Variants in RBFOX1 observed in about 807,000 individuals in gnomAD.
RBFOX1 encodes the protein RNA binding fox-1 homolog 1.
In RBFOX1, 8 loss-of-function variants were observed where a neutral mutation model predicts 57.7. That is an observed-to-expected ratio of 0.14 (90% CI 0.08 to 0.25). RBFOX1 has a LOEUF of 0.25. RBFOX1 is among the 10% of genes least tolerant of loss of function. The probability of loss-of-function intolerance (pLI) is 1.00; values close to 1 mark genes in which losing one functional copy is unlikely to be tolerated. For missense variants in RBFOX1, 611 were observed against 548.5 expected (o/e 1.11, Z -1.14); for synonymous variants, 326 against 222.4 (o/e 1.47, Z -4.15).
chr16:5,291,745 C>G (rs1327476014), intron 1 of RBFOX1, among the ~76,000 whole-genome samples: 1 of 152,104 alleles, frequency 6.6e-6, no homozygotes, highest in Non-Finnish European at 1.5e-5. Flanking sequence ...GTGATCGTGG[C>G]TTGGTTTATG....
At chr16:7,678,993 A>G (rs535521117) in intron 14 of RBFOX1, among the ~76,000 whole-genome samples, 1 of 152,304 alleles carries the variant, frequency 6.6e-6, no homozygotes, top group African/African-American at 2.4e-5. Context: ...AGAAATTTGC[A>G]CATTTGGTCT....
At chr16:6,856,417 A>C (rs1451310044) in intron 3 of RBFOX1, among the ~76,000 whole-genome samples, 1 of 152,142 alleles carries the variant, frequency 6.6e-6, no homozygotes, top group South Asian at 2.1e-4. Context: ...TTAGGTGAGC[A>C]ATCCTGATCC....
intron 1 of RBFOX1, among the ~76,000 whole-genome samples, chr16:6,218,302 T>C (rs113450034): frequency 6.5e-5 from 7 of 107,458 alleles, no homozygotes; most frequent in Admixed American, 6.1e-4. Context: ...TATTTATTTA[T>C]TTACTTATTT....
intron 4 of RBFOX1, among the ~76,000 whole-genome samples, chr16:7,215,462 T>C (rs193029810): frequency 5.9e-5 from 9 of 152,282 alleles, no homozygotes; most frequent in Non-Finnish European, 2.9e-5. Flanking sequence ...ATGTAGCACA[T>C]ATACACCATG....
intron 1 of RBFOX1, among the ~76,000 whole-genome samples, chr16:6,230,130 G>A (rs947079940): frequency 2.3e-4 from 35 of 151,924 alleles, no homozygotes; most frequent in African/African-American, 7.0e-4. Context: ...AGACTTTATC[G>A]CAGAGAGCAA....
At position 7,627,851 on chromosome 16, in the gene RBFOX1, A is replaced by G. The variant is rs1225625230; in HGVS notation, c.677-2752A>G. Among the ~76,000 whole-genome samples the G allele has an allele frequency of 2.0e-5, 3 of 152,232 alleles. No homozygotes were observed. In the South Asian group the frequency reaches 6.2e-4, roughly 31 times the overall value. On this transcript the variant is annotated intron_variant, in intron 10 of 15. Coordinates refer to ENST00000550418, the MANE Select transcript of RBFOX1 (RefSeq NM_018723.4). ...ATTGGAGGATGCTTTTAGATAAAACAAAAACCAAGTCCTGTGAAGGCATAG... is the reference window on the plus strand; with the variant it reads ...ATTGGAGGATGCTTTTAGATAAAACGAAAACCAAGTCCTGTGAAGGCATAG...
intron 1 of RBFOX1, among the ~76,000 whole-genome samples, chr16:5,276,169 C>T (rs2063136245): frequency 6.6e-6 from 1 of 152,112 alleles, no homozygotes; most frequent in South Asian, 2.1e-4. Context: ...GCAATGAAAA[C>T]AAAGATAAAT....
chr16:5,818,053 G>A (rs1252316191), intron 3 of RBFOX1, among the ~76,000 whole-genome samples: 2 of 152,162 alleles, frequency 1.3e-5, no homozygotes, highest in Admixed American at 6.5e-5. Flanking sequence ...TCTTTGAACA[G>A]TTTTAAGCAG....
intron 3 of RBFOX1, among the ~76,000 whole-genome samples, chr16:6,803,419 T>G (rs1245827783): frequency 2.0e-5 from 3 of 152,100 alleles, no homozygotes; most frequent in Non-Finnish European, 4.4e-5. Flanking sequence ...AGGGAGAAAG[T>G]GAGAGTGGCG....
At chr16:6,623,503 T>C (rs1160066143) in intron 2 of RBFOX1, among the ~76,000 whole-genome samples, 1 of 151,960 alleles carries the variant, frequency 6.6e-6, no homozygotes, top group Admixed American at 6.6e-5. Context: ...TGCAGGTTAG[T>C]TACATATGCA....
chr16:5,787,022 G>A (rs2054525505), intron 3 of RBFOX1, among the ~76,000 whole-genome samples: 2 of 152,196 alleles, frequency 1.3e-5, no homozygotes, highest in South Asian at 4.1e-4. Context: ...TGTAATCTCA[G>A]CTCCTTGGGA....
At chr16:6,100,146 T>G (rs895844267) in intron 1 of RBFOX1, among the ~76,000 whole-genome samples, 10 of 151,546 alleles carry the variant, frequency 6.6e-5, no homozygotes, top group East Asian at 1.9e-4. Context: ...TATTGTTTTT[T>G]TTGTTGTTGT....
chr16:7,494,776 A>C (rs2151640833), intron 4 of RBFOX1, among the ~76,000 whole-genome samples: 1 of 149,278 alleles, frequency 6.7e-6, no homozygotes, highest in Admixed American at 6.7e-5. Context: ...ACTCAGCAGA[A>C]GTTTCTCCTT....
rs184850844 is a variant in RBFOX1, at chr16:6,626,193, C to T, written c.-63-28410C>T. Among the ~76,000 whole-genome samples the T allele has an allele frequency of 2.1e-5, 3 of 144,892 alleles. No homozygotes were observed. In the East Asian group the frequency reaches 6.1e-4, roughly 29 times the overall value. On this transcript the variant is annotated intron_variant, in intron 2 of 15. Transcript: ENST00000550418. ...TAGTTGGTTCTGTATTTCTGACCTTCTGCTGTCCATCAGATTGAACATTTA... is the reference window on the plus strand; with the variant it reads ...TAGTTGGTTCTGTATTTCTGACCTTTTGCTGTCCATCAGATTGAACATTTA...
intron 3 of RBFOX1, chr16:5,632,340 A>G (rs1423495330): frequency 1.3e-5 from 2 of 152,154 alleles, no homozygotes; most frequent in African/African-American, 4.8e-5. Context: ...AAGCCCTTTT[A>G]CCTCTTGTAG....
intron 2 of RBFOX1, among the ~76,000 whole-genome samples, chr16:6,596,752 T>C (rs2097780118): frequency 6.6e-6 from 1 of 152,222 alleles, no homozygotes. Flanking sequence ...AAAGCCCTTC[T>C]TCCTTCTTGG....
rs553990499 is a variant in RBFOX1 at position 7,088,895 on chromosome 16, C to G, written c.27+36797C>G. Among the ~76,000 whole-genome samples, 32 of 152,270 alleles carry G rather than the reference C, an allele frequency of 2.1e-4. No homozygotes were observed. The East Asian group carries it at 5.8e-3, about 28-fold the overall frequency. On this transcript the variant is annotated intron_variant, in intron 4 of 15. Coordinates refer to ENST00000550418, the MANE Select transcript of RBFOX1 (RefSeq NM_018723.4). ...CTGTTGTTTTTCGTTGCTCGGCAGG[C>G]TTAGAAAATCCTCTTTATCCGCTTC...
chr16:7,089,753 C>T (rs2060520227), intron 4 of RBFOX1, among the ~76,000 whole-genome samples: 1 of 152,176 alleles, frequency 6.6e-6, no homozygotes, highest in African/African-American at 2.4e-5. Context: ...GACTTAAAAG[C>T]AGCATCCCTC....
At chr16:6,649,721 T>C (rs1333091069) in intron 2 of RBFOX1, among the ~76,000 whole-genome samples, 1 of 152,242 alleles carries the variant, frequency 6.6e-6, no homozygotes, top group Non-Finnish European at 1.5e-5. Context: ...CTCAGTAGTA[T>C]TCCATTATAT....
Sources: gnomAD v4.1 joint callset for allele counts (sites outside exome capture counted in the v4.1 genomes callset) on GRCh38, gnomAD v4.1.1 for gene constraint, MANE v1.5 for transcripts, NCBI Gene and HGNC (gene_info 2026-07-23, HGNC 2026-07-21) for gene names.